The following RUSF1 variants were observed in gnomAD, a reference collection of about 807,000 sequenced individuals.
RUSF1 encodes RUS1 family protein C16orf58.
RUSF1 carries 58 observed loss-of-function variants against 63.0 expected under a neutral mutation model. The ratio of observed to expected loss-of-function variants is 0.92; its 90% confidence interval spans 0.75 to 1.15. RUSF1 has a LOEUF of 1.15. RUSF1 is among the 50% of genes most tolerant of loss of function. The pLI is 0.00. For missense variants in RUSF1, 652 were observed against 611.0 expected (o/e 1.07, Z -0.71); for synonymous variants, 274 against 255.8 (o/e 1.07, Z -0.68).
chr16:31,501,491 G>A (rs923061161), intron 2 of RUSF1, among the ~76,000 whole-genome samples: 6 of 152,026 alleles, frequency 3.9e-5, no homozygotes, highest in African/African-American at 1.2e-4. Context: ...AGCTACTTGG[G>A]AGGCTGAGGC....
At chr16:31,504,646 A>G (rs1481648275) in intron 2 of RUSF1, among the ~76,000 whole-genome samples, 1 of 152,242 alleles carries the variant, frequency 6.6e-6, no homozygotes, top group Non-Finnish European at 1.5e-5. Flanking sequence ...GGGAGTGCAG[A>G]CACGATGCCA....
rs59139773 is a variant in RUSF1 at position 31,505,755 on chromosome 16, C to T, written c.415+2009G>A. On this transcript the variant is annotated intron_variant, in intron 2 of 12. Coordinates refer to ENST00000327237, the MANE Select transcript of RUSF1 (RefSeq NM_022744.4). Reference sequence around the variant, plus strand: ...ACCACAGTTAATGAGGCAAATGACTCTGGAGGAAACATTTTAAAAAGCCAT... The same window carrying T: ...ACCACAGTTAATGAGGCAAATGACTTTGGAGGAAACATTTTAAAAAGCCAT... Among the ~76,000 whole-genome samples the T allele has an allele frequency of 3.9e-5, 6 of 152,306 alleles. No homozygotes were observed. In the East Asian group the frequency reaches 1.2e-3, roughly 29 times the overall value.
intron 5 of RUSF1, among the ~76,000 whole-genome samples, chr16:31,498,951 G>A (rs2142653218): frequency 6.6e-6 from 1 of 152,258 alleles, no homozygotes; most frequent in East Asian, 1.9e-4. Context: ...AAAGACGGGG[G>A]CCCACATTCT....
chr16:31,504,639 A>C (rs2082649075), intron 2 of RUSF1, among the ~76,000 whole-genome samples: 1 of 152,198 alleles, frequency 6.6e-6, no homozygotes, highest in Non-Finnish European at 1.5e-5. Context: ...AGCTTTTGGG[A>C]GTGCAGACAC....
intron 2 of RUSF1, among the ~76,000 whole-genome samples, chr16:31,506,837 C>T (rs2082661745): frequency 6.6e-6 from 1 of 151,980 alleles, no homozygotes; most frequent in Non-Finnish European, 1.5e-5. Context: ...GCCCAGGATG[C>T]CTCAGCCTCC....
At chr16:31,499,139 T>C in intron 5 of RUSF1, 163 bp downstream of exon 5, 1 of 677,182 alleles carries the variant, frequency 1.5e-6, no homozygotes, top group East Asian at 2.7e-5. Flanking sequence ...CACTAGATGC[T>C]GTCTGGCTGG....
At chr16:31,505,525 G>A (rs2142662385) in intron 2 of RUSF1, among the ~76,000 whole-genome samples, 1 of 152,172 alleles carries the variant, frequency 6.6e-6, no homozygotes, top group East Asian at 1.9e-4. Context: ...AGTGTGGAAG[G>A]GCTGGCCTCC....
At chr16:31,507,729 G>T in intron 2 of RUSF1, 35 bp downstream of exon 2, 1 of 1,539,322 alleles carries the variant, frequency 6.5e-7, no homozygotes, top group Non-Finnish European at 8.8e-7. Context: ...AGGGCTGAAA[G>T]CAGCAATACG....
intron 5 of RUSF1, among the ~76,000 whole-genome samples, chr16:31,497,248 C>CTATACCCT (rs2082608685): frequency 6.6e-6 from 1 of 152,024 alleles, no homozygotes; most frequent in Non-Finnish European, 1.5e-5. Context: ...CCTGCTTGGG[C>CTATACCCT]TATACCCTCC....
rs78508955 is a variant in RUSF1, at chr16:31,499,289, C to T, written c.600+13G>A. On this transcript the variant is annotated intron_variant, in intron 5 of 12. Transcript: ENST00000327237. ...GGTGTTTTAGGCAGATGGGTGCCCC[C>T]ACAGGCAGCTACCTTGGCTAGGTTG... 1,832 of 1,609,174 alleles carry T rather than the reference C, an allele frequency of 1.1e-3. 23 individuals carry two copies. The African/African-American group carries it at 0.022, about 19-fold the overall frequency.
Position 31,493,798 on chromosome 16 carries a change from A to G in RUSF1, c.774-11T>C, listed in dbSNP as rs2082588181. 2 of 1,614,044 alleles carry G rather than the reference A, an allele frequency of 1.2e-6. No homozygotes were observed. The highest frequency in any genetic ancestry group is 1.7e-5 in the Admixed American group (1 of 60,004). On this transcript the variant is annotated splice_polypyrimidine_tract_variant and intron_variant, in intron 7 of 12. Coordinates refer to ENST00000327237, the MANE Select transcript of RUSF1 (RefSeq NM_022744.4). ...CATCCAAGGCTGAAGCTGGGGTGAGAGAGTGAGGTAGCTGAAGTGGGCAGA... is the reference window on the plus strand; with the variant it reads ...CATCCAAGGCTGAAGCTGGGGTGAGGGAGTGAGGTAGCTGAAGTGGGCAGA...
rs1429883831 is a variant in RUSF1, at chr16:31,492,330, C to T, written c.1098G>A (p.Gln366=). The part of the protein sequence containing the change: ...LCWDQSQNQV[Q]VVLNQKAGPK... ...GGCCTGCCTTCTGGTTCAGAACTAC[C>T]TGTACCTGGTCTGGAGGGACCCAGA... Residue 366 remains glutamine, a synonymous_variant, in exon 11 of 13, where the codon CAG becomes CAA. Coordinates refer to ENST00000327237, the MANE Select transcript of RUSF1 (RefSeq NM_022744.4). 8 of 1,576,926 alleles carry T rather than the reference C, an allele frequency of 5.1e-6. No homozygotes were observed. Among genetic ancestry groups the T allele is most frequent in the Non-Finnish European group, 6.9e-6 (8 of 1,161,834 alleles).
At chr16:31,497,862 G>A (rs1467135598) in intron 5 of RUSF1, among the ~76,000 whole-genome samples, 1 of 152,200 alleles carries the variant, frequency 6.6e-6, no homozygotes, top group Non-Finnish European at 1.5e-5. Flanking sequence ...CCTGGTGAAG[G>A]TCTTTCCCTA....
chr16:31,499,650 C>T (rs1246454085), intron 3 of RUSF1, 125 bp from the exon 4 acceptor site: 6 of 858,422 alleles, frequency 7.0e-6, no homozygotes, highest in African/African-American at 5.1e-5. Context: ...CCCAGACAGA[C>T]ATCTGTCCCC....
In RUSF1 at chr16:31,492,241, G is replaced by C; in HGVS notation, c.1187C>G (p.Pro396Arg). ...LMLGALQGDG[P>R]LPAELEELRN... ...CAGCTCCTCCAGCTCTGCTGGAAGG[G>C]GTCCATCTCCCTGCAGGGCCCCAAG... The change falls in exon 11 of 13, where the codon CCC (proline) becomes CGC (arginine). Residue 396 changes from proline to arginine, a missense_variant. Transcript: ENST00000327237. 6.2e-7 allele frequency: 1 copy of C among 1,613,170 alleles called. No homozygotes were observed. The highest frequency in any genetic ancestry group is 1.1e-5 in the South Asian group (1 of 90,944).
intron 10 of RUSF1, 37 bp from the exon 11 acceptor site, chr16:31,492,377 G>T: frequency 6.6e-7 from 1 of 1,511,316 alleles, no homozygotes. Flanking sequence ...ATCAGGGAAG[G>T]GCCACCTCCC....
chr16:31,507,356 C>T (rs932808619), intron 2 of RUSF1, among the ~76,000 whole-genome samples: 3 of 152,204 alleles, frequency 2.0e-5, no homozygotes, highest in Non-Finnish European at 2.9e-5. Context: ...TCCATTCTTT[C>T]CAGGCTCTCC....
intron 12 of RUSF1, among the ~76,000 whole-genome samples, chr16:31,491,657 G>A (rs2142641959): frequency 7.3e-6 from 1 of 137,906 alleles, no homozygotes; most frequent in African/African-American, 2.8e-5. Flanking sequence ...GTCTTGCTCT[G>A]TCACCCAGGC....
intron 6 of RUSF1, among the ~76,000 whole-genome samples, chr16:31,495,218 GC>G (rs1214814366): frequency 6.6e-6 from 1 of 152,182 alleles, no homozygotes; most frequent in Non-Finnish European, 1.5e-5. Flanking sequence ...CTGGATTGGT[GC>G]CCCTGACTAC....
Sources: gnomAD v4.1 joint callset for allele counts (sites outside exome capture counted in the v4.1 genomes callset) on GRCh38, gnomAD v4.1.1 for gene constraint, MANE v1.5 for transcripts, NCBI Gene and HGNC (gene_info 2026-07-23, HGNC 2026-07-21) for gene names.